The following ZNF469 variants were observed in gnomAD, a reference collection of about 807,000 sequenced individuals.
ZNF469 encodes the protein zinc finger protein 469.
A neutral mutation model predicts 1.0 loss-of-function variants in ZNF469; 1 was observed. The observed-to-expected ratio is 1.00, with a 90% CI of 0.35 to 4.73. The LOEUF is 4.73. Among genes scored for constraint, ZNF469 ranks in the 30% most tolerant of loss-of-function variants. The pLI is 0.16. For missense variants in ZNF469, 6,100 were observed against 5,356.3 expected (o/e 1.14, Z -4.33); for synonymous variants, 2,703 against 2,363.4 (o/e 1.14, Z -4.17).
chr16:88,378,568 C>A (rs566995065), upstream of ZNF469, among the ~76,000 whole-genome samples: 4 of 152,234 alleles, frequency 2.6e-5, no homozygotes, highest in African/African-American at 7.2e-5. Flanking sequence ...TAGGGAGCGC[C>A]GAGTCTGCAC....
the ZNF469 span, among the ~76,000 whole-genome samples, chr16:88,335,741 C>G: frequency 5.9e-5 from 9 of 152,388 alleles, no homozygotes; most frequent in African/African-American, 1.9e-4. Flanking sequence ...CGCAGCAACA[C>G]CATGCATGTT....
At chr16:88,385,853 G>A (rs1051930840) in intron 1 of ZNF469, among the ~76,000 whole-genome samples, 8 of 152,146 alleles carry the variant, frequency 5.3e-5, no homozygotes, top group Non-Finnish European at 1.0e-4. Flanking sequence ...CAGTGGGACG[G>A]GCTGGTGTGT....
At chr16:88,411,023 G>A (rs1402642465) in intron 1 of ZNF469, among the ~76,000 whole-genome samples, 1 of 152,084 alleles carries the variant, frequency 6.6e-6, no homozygotes, top group African/African-American at 2.4e-5. Context: ...TCTTCATGGG[G>A]CCCTCTCCGA....
the ZNF469 span, among the ~76,000 whole-genome samples, chr16:88,192,941 T>A: frequency 3.2e-3 from 437 of 137,564 alleles, no homozygotes; most frequent in East Asian, 0.026. Flanking sequence ...ATAGTGATGA[T>A]GGTGATGATG....
chr16:88,383,837 C>A (rs979114692), intron 1 of ZNF469, among the ~76,000 whole-genome samples: 1 of 152,142 alleles, frequency 6.6e-6, no homozygotes, highest in Non-Finnish European at 1.5e-5. Context: ...CCACGCCGCA[C>A]CCCCGCCCAG....
chr16:88,193,033 GTGATGGTGGTGGTGA>G, the ZNF469 span, among the ~76,000 whole-genome samples: 5 of 122,552 alleles, frequency 4.1e-5, no homozygotes, highest in East Asian at 4.8e-4. Flanking sequence ...GGTGATGGTG[GTGATGGTGGTGGTGA>G]TGATGGTGAT....
Position 88,437,383 on chromosome 16 carries a change from C to T in ZNF469, c.9913C>T (p.Pro3305Ser). The T allele has an allele frequency of 6.5e-7, 1 of 1,536,722 alleles. No homozygotes were observed. The highest frequency in any genetic ancestry group is 8.8e-7 in the Non-Finnish European group (1 of 1,140,830). ...GGCTGACGCCGGCAGCCCGGGCCCC[C>T]CCAGGACGACCCCCAGCCCGTCCCC... ...ALADAGSPGPPRTTPSPSPDP... is the reference protein window; with the variant it reads ...ALADAGSPGPSRTTPSPSPDP... The change falls in exon 3 of 3, where the codon CCC becomes TCC. Residue 3305 changes from proline to serine, a missense_variant. Physicochemically the swap from Pro to Ser is moderately conservative, Grantham distance 74. Coordinates refer to ENST00000565624, the MANE Select transcript of ZNF469 (RefSeq NM_001367624.2).
the ZNF469 span, among the ~76,000 whole-genome samples, chr16:88,306,814 GA>G: frequency 1.3e-5 from 2 of 152,198 alleles, no homozygotes; most frequent in Non-Finnish European, 2.9e-5. Flanking sequence ...AGGAGTGGGG[GA>G]AAACAGTGAA....
rs1173010970 is a variant in ZNF469, at chr16:88,438,730, A to C, written c.11260A>C (p.Ser3754Arg). 2 of 1,550,012 alleles carry C rather than the reference A, an allele frequency of 1.3e-6. No individual in the cohort carries two copies. The highest frequency in any genetic ancestry group is 3.9e-5 in the Admixed American group (2 of 50,990). The part of the protein sequence containing the change: ...TGGGSQPQPA[S>R]GQLQSETATT... The stretch of plus-strand genomic sequence containing the variant: ...AGGTGGCAGCCAGCCCCAGCCAGCC[A>C]GCGGGCAGCTCCAGAGCGAGACAGC... The change falls in exon 3 of 3, where the codon AGC (serine) becomes CGC (arginine). Residue 3754 changes from serine (S) to arginine (R), a missense_variant. Transcript: ENST00000565624.
At chr16:88,341,517 C>T in the ZNF469 span, among the ~76,000 whole-genome samples, 2 of 152,232 alleles carry the variant, frequency 1.3e-5, no homozygotes, top group Non-Finnish European at 2.9e-5. Flanking sequence ...CTGACGTAAT[C>T]CCAATTTCCT....
chr16:88,384,159 G>A (rs888247740), intron 1 of ZNF469, among the ~76,000 whole-genome samples: 3 of 152,234 alleles, frequency 2.0e-5, no homozygotes, highest in Non-Finnish European at 4.4e-5. Flanking sequence ...TAATCCTTAC[G>A]TCCTGAGATC....
intron 1 of ZNF469, among the ~76,000 whole-genome samples, chr16:88,404,182 C>T (rs2062548): frequency 6.6e-6 from 1 of 151,980 alleles, no homozygotes; most frequent in Non-Finnish European, 1.5e-5. Context: ...CAGCCCCACA[C>T]CCCCGGCACC....
At chr16:88,425,443 C>A (rs1291563008) in intron 2 of ZNF469, among the ~76,000 whole-genome samples, 1 of 151,014 alleles carries the variant, frequency 6.6e-6, no homozygotes, top group African/African-American at 2.5e-5. Context: ...TGGCTAAGCC[C>A]AGTGCAGGGC....
chr16:88,296,035 C>T, the ZNF469 span, among the ~76,000 whole-genome samples: 1 of 152,212 alleles, frequency 6.6e-6, no homozygotes. Flanking sequence ...GGGCTCTCGG[C>T]TCTGCAGAGG....
chr16:88,328,814 G>C, the ZNF469 span, among the ~76,000 whole-genome samples: 2 of 152,222 alleles, frequency 1.3e-5, no homozygotes, highest in Non-Finnish European at 2.9e-5. Flanking sequence ...ACAGGAACCA[G>C]AGAGGATTCC....
rs1906048333 is a variant in ZNF469 at position 88,430,266 on chromosome 16, C to T, written c.2796C>T (p.Ala932=). ...GRPKTRSLGL[A]PTEADAPSQG... ...CCAAAACGCGTTCCCTGGGTCTGGC[C>T]CCCACCGAGGCGGATGCGCCCAGCC... The change falls in exon 3 of 3, where the codon GCC becomes GCT. Residue 932 remains alanine, a synonymous_variant. Coordinates refer to ENST00000565624, the MANE Select transcript of ZNF469 (RefSeq NM_001367624.2). The T allele has an allele frequency of 6.6e-7, 1 of 1,518,412 alleles. No individual in the cohort carries two copies. The highest frequency in any genetic ancestry group is 1.4e-5 in the African/African-American group (1 of 72,548). The allele number at this position is 1,518,412 out of a possible 1,614,324, so 94.1% of individuals were successfully genotyped here.
chr16:88,207,693 G>C, the ZNF469 span, among the ~76,000 whole-genome samples: 1 of 150,176 alleles, frequency 6.7e-6, no homozygotes, highest in Non-Finnish European at 1.5e-5. Flanking sequence ...GGCCCTTCCA[G>C]CTTCTGGGGC....
At chr16:88,102,374 G>T in the ZNF469 span, among the ~76,000 whole-genome samples, 1 of 152,184 alleles carries the variant, frequency 6.6e-6, no homozygotes, top group African/African-American at 2.4e-5. Context: ...ACAAAATTTA[G>T]CTGGGTGTGG....
chr16:88,376,418 A>T, the ZNF469 span, among the ~76,000 whole-genome samples: 1 of 152,220 alleles, frequency 6.6e-6, no homozygotes, highest in African/African-American at 2.4e-5. Flanking sequence ...CAGGCACTGA[A>T]GGCCGCTGTC....
Sources: gnomAD v4.1 joint callset for allele counts (sites outside exome capture counted in the v4.1 genomes callset) on GRCh38, gnomAD v4.1.1 for gene constraint, MANE v1.5 for transcripts, NCBI Gene and HGNC (gene_info 2026-07-23, HGNC 2026-07-21) for gene names.